TAPT1: variants seen among roughly 807,000 people sequenced by gnomAD.
TAPT1 encodes the protein transmembrane anterior posterior transformation protein 1 homolog.
A neutral mutation model predicts 65.6 loss-of-function variants in TAPT1; 28 were observed. The ratio of observed to expected loss-of-function variants is 0.43; its 90% CI spans 0.32 to 0.59. The LOEUF (loss-of-function observed/expected upper bound fraction) is 0.59, where lower values mean the gene tolerates loss of function less well. TAPT1 is among the 20% of genes least tolerant of loss of function. The probability of loss-of-function intolerance (pLI) is 0.09; values close to 1 mark genes in which losing one functional copy is unlikely to be tolerated. For synonymous variants in TAPT1, 278 were observed against 245.2 expected (o/e 1.13, Z -1.25); for missense variants, 563 against 679.9 (o/e 0.83, Z 1.91).
chr4:16,226,091 C>T, intron 1 of TAPT1, 168 bp downstream of exon 1: 6 of 1,024,264 alleles, frequency 5.9e-6, no homozygotes, highest in Non-Finnish European at 5.8e-6. Context: ...TGTCAACGGC[C>T]GCGGAGCCTC....
chr4:16,197,797 G>C (rs1749806510), intron 3 of TAPT1, among the ~76,000 whole-genome samples: 1 of 152,174 alleles, frequency 6.6e-6, no homozygotes, highest in African/African-American at 2.4e-5. Context: ...ATCTGGGAAA[G>C]AGGGAAGATA....
chr4:16,226,136 G>C, intron 1 of TAPT1, 123 bp downstream of exon 1: 1 of 1,026,296 alleles, frequency 9.7e-7, no homozygotes, highest in African/African-American at 1.7e-5. Context: ...CCACAGCCTG[G>C]GGAGCCCCGG....
chr4:16,198,545 T>G (rs746446130), intron 3 of TAPT1, among the ~76,000 whole-genome samples: 1 of 145,688 alleles, frequency 6.9e-6, no homozygotes, highest in African/African-American at 2.6e-5. Context: ...GAAAGAAGAT[T>G]GAAATACAGG....
chr4:16,211,301 T>G (rs1326333383), intron 2 of TAPT1, among the ~76,000 whole-genome samples: 2 of 152,090 alleles, frequency 1.3e-5, no homozygotes, highest in Non-Finnish European at 2.9e-5. Context: ...AAAAAATTAT[T>G]TAGGTTATCT....
At chr4:16,218,307 A>T (rs1353447362) in intron 1 of TAPT1, among the ~76,000 whole-genome samples, 7 of 152,194 alleles carry the variant, frequency 4.6e-5, no homozygotes, top group African/African-American at 1.7e-4. Context: ...TGGGAGGCTG[A>T]GGCAGGAGAA....
At chr4:16,185,391 A>G (rs1291903259) in intron 7 of TAPT1, among the ~76,000 whole-genome samples, 1 of 150,326 alleles carries the variant, frequency 6.7e-6, no homozygotes, top group African/African-American at 2.5e-5. Flanking sequence ...TTTTTGAGAC[A>G]GCGTTTCACT....
chr4:16,178,013 T>C (rs1748452010), intron 8 of TAPT1, among the ~76,000 whole-genome samples: 1 of 152,170 alleles, frequency 6.6e-6, no homozygotes, highest in South Asian at 2.1e-4. Context: ...TATCCAGCTG[T>C]CTAGGAGGCA....
At chr4:16,180,925 G>A (rs1415334890) in intron 7 of TAPT1, among the ~76,000 whole-genome samples, 1 of 152,204 alleles carries the variant, frequency 6.6e-6, no homozygotes, top group Non-Finnish European at 1.5e-5. Flanking sequence ...AGGGCACAGT[G>A]AGTCTCAAGG....
At chr4:16,226,126 C>A (rs1443115018) in intron 1 of TAPT1, 133 bp downstream of exon 1, 79 of 1,033,042 alleles carry the variant, frequency 7.6e-5, no homozygotes, top group Non-Finnish European at 8.9e-5. Context: ...CTCCGCGCGC[C>A]CACAGCCTGG....
chr4:16,220,446 T>C (rs1305834582), intron 1 of TAPT1, among the ~76,000 whole-genome samples: 3 of 152,240 alleles, frequency 2.0e-5, no homozygotes, highest in Admixed American at 6.5e-5. Flanking sequence ...TCTTAGTTCA[T>C]TTATCCCAAT....
At chr4:16,174,151 T>C (rs1184157417) in intron 11 of TAPT1, 53 bp downstream of exon 11, 2 of 1,301,454 alleles carry the variant, frequency 1.5e-6, no homozygotes, top group East Asian at 5.0e-5. Context: ...TTTATTAATA[T>C]TCTATAATGA....
chr4:16,200,140 C>T (rs1749947245), intron 3 of TAPT1, among the ~76,000 whole-genome samples: 1 of 152,158 alleles, frequency 6.6e-6, no homozygotes. Flanking sequence ...CAGTCATTAG[C>T]TTATCTATCA....
chr4:16,220,472 T>C (rs1464537429), intron 1 of TAPT1, among the ~76,000 whole-genome samples: 1 of 152,150 alleles, frequency 6.6e-6, no homozygotes, highest in Non-Finnish European at 1.5e-5. Context: ...CAGGAAGAAA[T>C]ATCATTCAGT....
intron 13 of TAPT1, among the ~76,000 whole-genome samples, chr4:16,166,139 C>T (rs1218753884): frequency 2.6e-5 from 4 of 152,158 alleles, no homozygotes; most frequent in Non-Finnish European, 4.4e-5. Flanking sequence ...CTGGGCCTGC[C>T]GGGCCTCTGC....
intron 11 of TAPT1, among the ~76,000 whole-genome samples, chr4:16,171,754 C>A (rs925110965): frequency 2.6e-5 from 4 of 152,032 alleles, no homozygotes; most frequent in African/African-American, 9.7e-5. Flanking sequence ...TAACATGACT[C>A]CAGGATTTTA....
At chr4:16,202,185 T>C (rs1750073873) in intron 3 of TAPT1, among the ~76,000 whole-genome samples, 1 of 152,066 alleles carries the variant, frequency 6.6e-6, no homozygotes, top group Non-Finnish European at 1.5e-5. Flanking sequence ...CAGACCCGGG[T>C]CCTTTCTACA....
chr4:16,172,045 G>T (rs981495429), intron 11 of TAPT1, among the ~76,000 whole-genome samples: 2 of 152,070 alleles, frequency 1.3e-5, no homozygotes, highest in Non-Finnish European at 2.9e-5. Flanking sequence ...TGTGGCACAC[G>T]ACGAAGCTCT....
chr4:16,165,955 G>A (rs541072538), intron 13 of TAPT1, among the ~76,000 whole-genome samples: 8 of 152,122 alleles, frequency 5.3e-5, no homozygotes, highest in Non-Finnish European at 8.8e-5. Flanking sequence ...CCACTGCTCC[G>A]CTCAAAGCCC....
chr4:16,208,014 A>G (rs1233567896), intron 2 of TAPT1, among the ~76,000 whole-genome samples: 4 of 152,370 alleles, frequency 2.6e-5, no homozygotes, highest in African/African-American at 9.6e-5. Context: ...GCAAGCTTAC[A>G]TGAACATATA....
Sources: allele counts gnomAD v4.1 joint callset (sites outside exome capture counted in the v4.1 genomes callset), GRCh38; gene constraint gnomAD v4.1.1; transcripts MANE v1.5; gene names NCBI Gene and HGNC (gene_info 2026-07-23, HGNC 2026-07-21).